The following SYNDIG1L variants were observed in gnomAD, a reference collection of about 807,000 sequenced individuals.
The protein encoded by SYNDIG1L is synapse differentiation-inducing gene protein 1-like.
A neutral mutation model predicts 20.1 loss-of-function variants in SYNDIG1L; 13 were observed. The observed-to-expected ratio is 0.65, with a 90% CI of 0.42 to 1.03. The LOEUF (loss-of-function observed/expected upper bound fraction) is 1.03, where lower values mean the gene tolerates loss of function less well. Among genes scored for constraint, SYNDIG1L ranks in the 50% least tolerant of loss-of-function variants. The probability of loss-of-function intolerance (pLI) is 0.00; values close to 1 mark genes in which losing one functional copy is unlikely to be tolerated. For missense variants in SYNDIG1L, 294 were observed against 305.1 expected, an observed-to-expected ratio of 0.96 and a Z score of 0.27; for synonymous variants, 128 against 129.3, an observed-to-expected ratio of 0.99 and a Z score of 0.07.
chr14:74,479,988 C>T, the SYNDIG1L span: 2 of 1,384,922 alleles, frequency 1.4e-6, no homozygotes, highest in Admixed American at 2.9e-5. Context: ...AGTAAATTTC[C>T]AGGTGTAGAA....
chr14:74,409,538 C>T lies in SYNDIG1L; in HGVS notation c.207G>A (p.Arg69=). 6.3e-7 allele frequency: 1 copy of T among 1,577,886 alleles called. No homozygotes were observed. The highest frequency in any genetic ancestry group is 8.6e-7 in the Non-Finnish European group (1 of 1,162,546). The change falls in exon 2 of 4, where the codon CGG becomes CGA. Residue 69 remains arginine (R), a synonymous_variant. Coordinates refer to ENST00000331628, the MANE Select transcript of SYNDIG1L (RefSeq NM_001105579.2). ...SLQLAVEAWY[R]PSCLLGRDKV... ...TGTCTCTCCCCAGGAGGCAGCTGGGCCGGTACCAGGCCTCCACGGCCAGCT... is the reference window on the plus strand; with the variant it reads ...TGTCTCTCCCCAGGAGGCAGCTGGGTCGGTACCAGGCCTCCACGGCCAGCT...
At position 74,409,711 on chromosome 14, in the gene SYNDIG1L, G is replaced by A. The variant is rs758710168; in HGVS notation, c.34C>T (p.Leu12=). ...ESLSELQNPL[L]PRSPAHLHGP... The stretch of plus-strand genomic sequence containing the variant: ...TGGAGATGGGCAGGGCTCCTGGGCA[G>A]CAGCGGGTTCTGTAGTTCACTCAGA... The change falls in exon 2 of 4, where the codon CTG becomes TTG. Residue 12 remains leucine, a synonymous_variant. Coordinates refer to ENST00000331628, the MANE Select transcript of SYNDIG1L (RefSeq NM_001105579.2). The A allele has an allele frequency of 2.7e-6, 4 of 1,469,350 alleles. No individual in the cohort carries two copies. Among genetic ancestry groups the A allele is most frequent in the Non-Finnish European group, 2.7e-6 (3 of 1,109,488 alleles). 91.0% of individuals were successfully genotyped at this position (1,469,350 alleles called of 1,614,324 possible). A position where few individuals can be genotyped will look rare whatever the true frequency, so the allele number is the denominator to read the frequency against.
At chr14:74,426,325 C>T (rs370577414), upstream of SYNDIG1L, among the ~76,000 whole-genome samples, 1 of 152,102 alleles carries the variant, frequency 6.6e-6, no homozygotes, top group Non-Finnish European at 1.5e-5. Flanking sequence ...CCAGGCACTC[C>T]GGACCCGGCT....
rs1400910076 is a variant in SYNDIG1L, at chr14:74,407,410, C to T, written c.*125G>A. ...CTGCAGGCTGTGGAATGGGGGTCTC[C>T]CCCTCAGCAAGCCACTCTCACGGGA... is the stretch of plus-strand genomic sequence containing the variant. On this transcript the variant is annotated 3_prime_UTR_variant, in exon 4 of 4. Transcript: ENST00000331628. The T allele has an allele frequency of 2.2e-6, 3 of 1,356,024 alleles. No homozygotes were observed. The highest frequency in any genetic ancestry group is 3.0e-6 in the Non-Finnish European group (3 of 990,000). 84.0% of individuals were successfully genotyped at this position (1,356,024 alleles called of 1,614,324 possible).
the SYNDIG1L span, among the ~76,000 whole-genome samples, chr14:74,445,454 TTGTGTG>T: frequency 5.9e-3 from 873 of 147,698 alleles, 7 homozygotes; most frequent in South Asian, 0.023. Context: ...GTATTAAAAT[TTGTGTG>T]TGTGTGTGTG....
intron 1 of SYNDIG1L, among the ~76,000 whole-genome samples, chr14:74,410,465 A>C (rs1234176584): frequency 6.6e-6 from 1 of 152,144 alleles, no homozygotes; most frequent in Non-Finnish European, 1.5e-5. Flanking sequence ...CTTGAGTCTA[A>C]GAGGGGGTAC....
At chr14:74,427,131 T>TTC (rs1459690872), upstream of SYNDIG1L, among the ~76,000 whole-genome samples, 1 of 150,660 alleles carries the variant, frequency 6.6e-6, no homozygotes, top group Non-Finnish European at 1.5e-5. Context: ...TTTTTTTTTT[T>TTC]TTTTTGCATG....
chr14:74,468,887 C>T, the SYNDIG1L span, among the ~76,000 whole-genome samples: 24,306 of 152,160 alleles, frequency 0.16, 2,061 homozygotes, highest in South Asian at 0.26. Flanking sequence ...TCTATCTCCT[C>T]CCCTCCAGGA....
At chr14:74,437,394 A>G in the SYNDIG1L span, among the ~76,000 whole-genome samples, 1 of 152,214 alleles carries the variant, frequency 6.6e-6, no homozygotes, top group Non-Finnish European at 1.5e-5. Context: ...TGTTAGAATG[A>G]CCAGGGCTGG....
the SYNDIG1L span, among the ~76,000 whole-genome samples, chr14:74,466,604 C>G: frequency 1.3e-5 from 2 of 152,172 alleles, no homozygotes; most frequent in African/African-American, 4.8e-5. Flanking sequence ...CCAGCCTCCC[C>G]CTTCATGAAC....
chr14:74,464,973 C>T, the SYNDIG1L span, among the ~76,000 whole-genome samples: 1 of 152,194 alleles, frequency 6.6e-6, no homozygotes, highest in Non-Finnish European at 1.5e-5. Flanking sequence ...ACCTGGAAAG[C>T]AGGTTCTTGG....
intron 1 of SYNDIG1L, among the ~76,000 whole-genome samples, chr14:74,414,427 A>T (rs142255524): frequency 1.0e-3 from 155 of 152,212 alleles, no homozygotes; most frequent in African/African-American, 3.7e-3. Context: ...TCTTTTTCTG[A>T]GCTGAGAACT....
At chr14:74,453,448 G>A in the SYNDIG1L span, among the ~76,000 whole-genome samples, 2 of 150,974 alleles carry the variant, frequency 1.3e-5, no homozygotes, top group African/African-American at 2.4e-5. Context: ...GCAAGGAACA[G>A]GGGAACAGGA....
At chr14:74,420,448 G>C (rs1452551023) in intron 1 of SYNDIG1L, among the ~76,000 whole-genome samples, 1 of 151,780 alleles carries the variant, frequency 6.6e-6, no homozygotes, top group Admixed American at 6.6e-5. Flanking sequence ...CTGATCTGTG[G>C]CAGAATTGAA....
chr14:74,464,426 A>T, the SYNDIG1L span, among the ~76,000 whole-genome samples: 245 of 152,296 alleles, frequency 1.6e-3, 3 homozygotes, highest in South Asian at 0.031. Flanking sequence ...GGTGGCAAGA[A>T]CTATGTTTCA....
the SYNDIG1L span, among the ~76,000 whole-genome samples, chr14:74,462,548 C>G: frequency 4.0e-5 from 6 of 151,386 alleles, no homozygotes; most frequent in Non-Finnish European, 8.8e-5. Context: ...GTTAAATGCC[C>G]GGGCTGGAGT....
the SYNDIG1L span, among the ~76,000 whole-genome samples, chr14:74,440,516 T>TAA: frequency 0.12 from 11,369 of 97,032 alleles, 883 homozygotes; most frequent in African/African-American, 0.21. Flanking sequence ...CTCCGTCTCA[T>TAA]AAAAAAAAAA....
At chr14:74,412,774 C>T (rs760134617) in intron 1 of SYNDIG1L, among the ~76,000 whole-genome samples, 1 of 152,160 alleles carries the variant, frequency 6.6e-6, no homozygotes, top group Non-Finnish European at 1.5e-5. Flanking sequence ...CAGCCCTGCC[C>T]CTCCACCCCT....
chr14:74,437,459 C>T, the SYNDIG1L span, among the ~76,000 whole-genome samples: 7 of 152,184 alleles, frequency 4.6e-5, no homozygotes. Context: ...ACTCATGTAC[C>T]TGGTTGCCAG....
Sources: allele counts gnomAD v4.1 joint callset (sites outside exome capture counted in the v4.1 genomes callset), GRCh38; gene constraint gnomAD v4.1.1; transcripts MANE v1.5; gene names NCBI Gene and HGNC (gene_info 2026-07-23, HGNC 2026-07-21).